PTPRD: variants seen among roughly 807,000 people sequenced by gnomAD.
The protein encoded by PTPRD is receptor-type tyrosine-protein phosphatase delta.
A neutral mutation model predicts 214.5 loss-of-function variants in PTPRD; 34 were observed. The observed-to-expected ratio is 0.16, with a 90% CI of 0.12 to 0.21. The LOEUF (loss-of-function observed/expected upper bound fraction) is 0.21. Among genes scored for constraint, PTPRD ranks in the 10% least tolerant of loss-of-function variants. The pLI, the probability that PTPRD is intolerant of heterozygous loss-of-function variation, is 1.00. For missense variants in PTPRD, 2,545 were observed against 2,398.7 expected, an observed-to-expected ratio of 1.06 and a Z score of -1.27; for synonymous variants, 1,128 against 845.7, an observed-to-expected ratio of 1.33 and a Z score of -5.79.
intron 12 of PTPRD, among the ~76,000 whole-genome samples, chr9:8,726,645 A>G (rs1355584512): frequency 1.2e-5 from 1 of 83,506 alleles, no homozygotes; most frequent in Non-Finnish European, 2.2e-5. Flanking sequence ...ATATATATAT[A>G]TATATGACAG....
At chr9:9,997,240 AT>A (rs1338490756) in intron 4 of PTPRD, among the ~76,000 whole-genome samples, 1 of 152,052 alleles carries the variant, frequency 6.6e-6, no homozygotes, top group Non-Finnish European at 1.5e-5. Flanking sequence ...GAGACTTAAC[AT>A]TTGAAATGGC....
intron 10 of PTPRD, among the ~76,000 whole-genome samples, chr9:9,111,948 G>A (rs2099806739): frequency 6.6e-6 from 1 of 152,040 alleles, no homozygotes; most frequent in Admixed American, 6.6e-5. Context: ...TCTCCTAGGA[G>A]AAAAGAAGGT....
chr9:8,583,970 C>T (rs902516408), intron 14 of PTPRD, among the ~76,000 whole-genome samples: 12 of 152,042 alleles, frequency 7.9e-5, no homozygotes, highest in Non-Finnish European at 1.8e-4. Flanking sequence ...TGGGCAACAT[C>T]ACAAAACCCC....
intron 11 of PTPRD, among the ~76,000 whole-genome samples, chr9:8,954,621 T>A (rs1487169920): frequency 6.6e-6 from 1 of 151,766 alleles, no homozygotes; most frequent in African/African-American, 2.4e-5. Context: ...GCTTGGGCTG[T>A]GGAGAGCTGT....
intron 8 of PTPRD, among the ~76,000 whole-genome samples, chr9:9,551,542 G>C (rs2080244621): frequency 6.6e-6 from 1 of 151,864 alleles, no homozygotes; most frequent in African/African-American, 2.4e-5. Flanking sequence ...TTCTGACACA[G>C]GTTCGCATAA....
chr9:10,035,550 GT>G (rs1300476267), intron 3 of PTPRD, among the ~76,000 whole-genome samples: 14 of 152,028 alleles, frequency 9.2e-5, no homozygotes, highest in African/African-American at 3.4e-4. Flanking sequence ...ATCTTCCAGG[GT>G]TTTTTATAGT....
At position 8,849,199 on chromosome 9, in the gene PTPRD, G is replaced by A. The variant is rs1331665133; in HGVS notation, c.-103-115253C>T. Among the ~76,000 whole-genome samples, 44 of 117,122 alleles carry A rather than the reference G, an allele frequency of 3.8e-4. 2 individuals carry two copies. In the South Asian group the frequency reaches 5.9e-3, roughly 16 times the overall value. 76.8% of individuals were successfully genotyped at this position (117,122 alleles called of 152,430 possible). On this transcript the variant is annotated intron_variant, in intron 11 of 45. Transcript: ENST00000381196. ...TTTTTTTTTTTTTTTTTTTTGAGAC[G>A]GAGTCTCGCTTTGTCCCCCAGGCTG... is the stretch of plus-strand genomic sequence containing the variant.
chr9:8,734,134 A>C lies in PTPRD; in HGVS notation c.-103-188T>G, dbSNP rs566857471. On this transcript the variant is annotated intron_variant, in intron 11 of 45. Transcript: ENST00000381196. ...AATAACTTGGTTTGTAAAATGTAGG[A>C]GTCTTAGACTATCCGGGTTTGTGTT... is the stretch of plus-strand genomic sequence containing the variant. Among the ~76,000 whole-genome samples, 123 of 152,326 alleles carry C rather than the reference A, an allele frequency of 8.1e-4. 1 individual carries two copies. Among genetic ancestry groups the C allele is most frequent in the African/African-American group, 2.8e-3 (118 of 41,586 alleles).
intron 14 of PTPRD, among the ~76,000 whole-genome samples, chr9:8,601,789 A>G (rs2094884309): frequency 6.6e-6 from 1 of 152,214 alleles, no homozygotes; most frequent in Non-Finnish European, 1.5e-5. Flanking sequence ...TCAAAAGCAC[A>G]TATTATCAGG....
At chr9:9,452,956 C>A (rs148767466) in intron 8 of PTPRD, among the ~76,000 whole-genome samples, 90 of 150,998 alleles carry the variant, frequency 6.0e-4, no homozygotes, top group African/African-American at 2.1e-3. Context: ...TCTTTTGAAT[C>A]TGGACTTCAT....
At chr9:10,512,603 C>G (rs991314331) in intron 2 of PTPRD, among the ~76,000 whole-genome samples, 12 of 152,078 alleles carry the variant, frequency 7.9e-5, no homozygotes, top group African/African-American at 2.2e-4. Flanking sequence ...ACCTTCATTT[C>G]TCATGGTGAG....
chr9:9,901,416 G>A (rs1047198007), intron 5 of PTPRD, among the ~76,000 whole-genome samples: 3 of 143,954 alleles, frequency 2.1e-5, no homozygotes, highest in Admixed American at 6.8e-5. Context: ...CTTAAAAAAT[G>A]CATTGCAAAG....
At chr9:9,157,984 T>A (rs1261311993) in intron 10 of PTPRD, among the ~76,000 whole-genome samples, 3 of 152,144 alleles carry the variant, frequency 2.0e-5, no homozygotes, top group African/African-American at 7.2e-5. Flanking sequence ...GGTTTTCTGT[T>A]CCTGCGTGTT....
At chr9:8,715,293 C>T (rs1430130584) in intron 12 of PTPRD, among the ~76,000 whole-genome samples, 2 of 152,162 alleles carry the variant, frequency 1.3e-5, no homozygotes, top group Non-Finnish European at 2.9e-5. Flanking sequence ...TCTCACACAA[C>T]ACATAACAAC....
chr9:8,983,933 ATC>A (rs1418839518), intron 11 of PTPRD, among the ~76,000 whole-genome samples: 7 of 152,114 alleles, frequency 4.6e-5, no homozygotes, highest in Admixed American at 2.0e-4. Flanking sequence ...TAAGTTTTAT[ATC>A]TGAGTCATAC....
At chr9:9,983,549 T>G (rs544974447) in intron 4 of PTPRD, among the ~76,000 whole-genome samples, 2 of 152,332 alleles carry the variant, frequency 1.3e-5, no homozygotes, top group South Asian at 4.1e-4. Context: ...GTAAGCCCTA[T>G]GTATAGAGCC....
At chr9:9,258,552 A>T (rs2099978770) in intron 9 of PTPRD, among the ~76,000 whole-genome samples, 1 of 151,962 alleles carries the variant, frequency 6.6e-6, no homozygotes, top group Admixed American at 6.6e-5. Context: ...AGAAGCATTC[A>T]GAGGTCAGAA....
chr9:8,635,969 T>C (rs1044632504), intron 13 of PTPRD, among the ~76,000 whole-genome samples: 4 of 152,200 alleles, frequency 2.6e-5, no homozygotes, highest in African/African-American at 9.6e-5. Flanking sequence ...TTCGCTGCAC[T>C]GAGCTCTCCT....
chr9:9,420,291 C>G (rs936709030), intron 8 of PTPRD, among the ~76,000 whole-genome samples: 3 of 151,766 alleles, frequency 2.0e-5, no homozygotes, highest in Admixed American at 2.0e-4. Context: ...TTAGCTTTAT[C>G]TAATGAACAG....
Sources: gnomAD v4.1 joint callset for allele counts (sites outside exome capture counted in the v4.1 genomes callset) on GRCh38, gnomAD v4.1.1 for gene constraint, MANE v1.5 for transcripts, NCBI Gene and HGNC (gene_info 2026-07-23, HGNC 2026-07-21) for gene names.